Variants in UNC5C observed in about 807,000 individuals in gnomAD.
UNC5C encodes the protein unc-5 netrin receptor C.
Under a neutral mutation model 99.8 loss-of-function variants are expected in UNC5C, and 47 were observed. The ratio of observed to expected loss-of-function variants is 0.47; its 90% CI spans 0.37 to 0.60. The LOEUF is 0.60. UNC5C is among the 20% of genes least tolerant of loss of function. The probability of loss-of-function intolerance (pLI) is 0.00; values close to 1 mark genes in which losing one functional copy is unlikely to be tolerated. For synonymous variants in UNC5C, 487 were observed against 452.2 expected, an observed-to-expected ratio of 1.08 and a Z score of -0.98; for missense variants, 1,062 against 1,165.9, an observed-to-expected ratio of 0.91 and a Z score of 1.30.
At chr4:95,338,048 T>C (rs887967983) in intron 1 of UNC5C, among the ~76,000 whole-genome samples, 28 of 152,064 alleles carry the variant, frequency 1.8e-4, no homozygotes, top group African/African-American at 6.5e-4. Flanking sequence ...ATATAGAAAA[T>C]TCAAGAACTT....
intron 1 of UNC5C, among the ~76,000 whole-genome samples, chr4:95,502,844 A>G (rs1456235501): frequency 1.3e-5 from 2 of 152,172 alleles, no homozygotes; most frequent in African/African-American, 4.8e-5. Context: ...AACTATTACC[A>G]TAATCTTTAA....
intron 1 of UNC5C, among the ~76,000 whole-genome samples, chr4:95,455,150 T>G (rs1350307031): frequency 6.6e-6 from 1 of 152,076 alleles, no homozygotes; most frequent in East Asian, 1.9e-4. Context: ...GTATTAATCA[T>G]CCATGAGATC....
At chr4:95,288,038 A>G (rs954258753) in intron 3 of UNC5C, among the ~76,000 whole-genome samples, 2 of 150,104 alleles carry the variant, frequency 1.3e-5, no homozygotes, top group Non-Finnish European at 3.0e-5. Context: ...TACAAGTCAC[A>G]TAGTCCAACC....
intron 14 of UNC5C, among the ~76,000 whole-genome samples, chr4:95,177,068 C>A (rs1736391159): frequency 6.6e-6 from 1 of 152,204 alleles, no homozygotes; most frequent in African/African-American, 2.4e-5. Flanking sequence ...CCTTGCACTT[C>A]CCGAGTGAGG....
chr4:95,381,868 AG>A (rs1429689651), intron 1 of UNC5C, among the ~76,000 whole-genome samples: 2 of 152,224 alleles, frequency 1.3e-5, no homozygotes, highest in Non-Finnish European at 2.9e-5. Flanking sequence ...CCAGTTTAAT[AG>A]TGATTGGTTA....
chr4:95,238,507 C>T (rs999073908), intron 7 of UNC5C, among the ~76,000 whole-genome samples: 4 of 152,074 alleles, frequency 2.6e-5, no homozygotes, highest in African/African-American at 9.7e-5. Context: ...TACCATTTAG[C>T]TCCATCTTAT....
intron 2 of UNC5C, among the ~76,000 whole-genome samples, chr4:95,316,454 C>T (rs1742480054): frequency 6.6e-6 from 1 of 152,126 alleles, no homozygotes; most frequent in African/African-American, 2.4e-5. Flanking sequence ...CTCATAGGCG[C>T]TTCGGAGCTG....
intron 1 of UNC5C, among the ~76,000 whole-genome samples, chr4:95,371,997 T>G (rs183915680): frequency 1.3e-5 from 2 of 152,312 alleles, no homozygotes; most frequent in East Asian, 3.9e-4. Flanking sequence ...TTGCACTGTT[T>G]CCTATCAATT....
chr4:95,371,982 G>A (rs79887252), intron 1 of UNC5C, among the ~76,000 whole-genome samples: 9,580 of 152,184 alleles, frequency 0.063, 370 homozygotes, highest in African/African-American at 0.1. Context: ...CCAGAGCCAG[G>A]ACAATTGCAC....
At chr4:95,249,668 A>T (rs575896862) in intron 5 of UNC5C, among the ~76,000 whole-genome samples, 169 of 152,238 alleles carry the variant, frequency 1.1e-3, no homozygotes, top group Non-Finnish European at 2.0e-3. Flanking sequence ...GTGCCACATC[A>T]GAATGGGGTA....
At chr4:95,538,300 G>T (rs957014508) in intron 1 of UNC5C, among the ~76,000 whole-genome samples, 3 of 152,196 alleles carry the variant, frequency 2.0e-5, no homozygotes, top group Admixed American at 1.3e-4. Flanking sequence ...TGTCAGCGGG[G>T]TTATGTGCAG....
intron 14 of UNC5C, among the ~76,000 whole-genome samples, chr4:95,177,302 C>A (rs908101872): frequency 6.6e-6 from 1 of 152,136 alleles, no homozygotes; most frequent in Non-Finnish European, 1.5e-5. Flanking sequence ...TCACTAGTTG[C>A]CAGAGGATGA....
chr4:95,283,947 G>A (rs1741146849), intron 3 of UNC5C, among the ~76,000 whole-genome samples: 1 of 152,180 alleles, frequency 6.6e-6, no homozygotes, highest in Admixed American at 6.5e-5. Context: ...TTAAGAACAT[G>A]AATATTGGCT....
chr4:95,534,267 A>G (rs553637102), intron 1 of UNC5C, among the ~76,000 whole-genome samples: 2 of 152,298 alleles, frequency 1.3e-5, no homozygotes, highest in Admixed American at 1.3e-4. Context: ...TTGTTTATTT[A>G]GTTAGTTAAT....
At chr4:95,357,104 G>A (rs1744230957) in intron 1 of UNC5C, among the ~76,000 whole-genome samples, 1 of 149,994 alleles carries the variant, frequency 6.7e-6, no homozygotes, top group South Asian at 2.1e-4. Context: ...CTACCCCTGT[G>A]GACTACTGAT....
intron 2 of UNC5C, among the ~76,000 whole-genome samples, chr4:95,334,071 G>A: frequency 6.6e-6 from 1 of 152,006 alleles, no homozygotes; most frequent in African/African-American, 2.4e-5. Flanking sequence ...AAATTGACAA[G>A]CAATTATGTA....
chr4:95,224,051 G>A (rs1738576841), intron 7 of UNC5C, among the ~76,000 whole-genome samples: 1 of 152,184 alleles, frequency 6.6e-6, no homozygotes, highest in Admixed American at 6.5e-5. Context: ...AAGATGCTGA[G>A]GCAGGTGGAT....
intron 1 of UNC5C, among the ~76,000 whole-genome samples, chr4:95,505,497 T>C (rs1721892644): frequency 6.6e-6 from 1 of 152,106 alleles, no homozygotes; most frequent in Admixed American, 6.6e-5. Context: ...TCTTAGGAAT[T>C]TACTTCCTAA....
At chr4:95,456,790 T>C (rs1272672605) in intron 1 of UNC5C, among the ~76,000 whole-genome samples, 4 of 152,284 alleles carry the variant, frequency 2.6e-5, no homozygotes, top group African/African-American at 9.6e-5. Context: ...TTGATGAGAC[T>C]TATACAAATA....
Sources: gnomAD v4.1 joint callset for allele counts (sites outside exome capture counted in the v4.1 genomes callset) on GRCh38, gnomAD v4.1.1 for gene constraint, MANE v1.5 for transcripts, NCBI Gene and HGNC (gene_info 2026-07-23, HGNC 2026-07-21) for gene names.